TRPM3: variants seen among roughly 807,000 people sequenced by gnomAD.
TRPM3 encodes the protein long transient receptor potential channel 3.
A neutral mutation model predicts 181.2 loss-of-function variants in TRPM3; 77 were observed. The ratio of observed to expected loss-of-function variants is 0.42; its 90% confidence interval spans 0.35 to 0.51. TRPM3 has a LOEUF of 0.51. TRPM3 is among the 20% of genes least tolerant of loss of function. The pLI is 0.01. For missense variants in TRPM3, 1,759 were observed against 2,196.7 expected, an observed-to-expected ratio of 0.80 and a Z score of 3.98; for synonymous variants, 745 against 796.4, an observed-to-expected ratio of 0.94 and a Z score of 1.09.
chr9:70,768,129 C>G (rs2079504496), intron 7 of TRPM3, among the ~76,000 whole-genome samples: 1 of 152,168 alleles, frequency 6.6e-6, no homozygotes. Flanking sequence ...TGGTGATAAA[C>G]AGCCTCAATT....
In TRPM3 at chr9:70,529,263, T is replaced by C. The variant is rs1445712875; in HGVS notation, c.*6690A>G. ...GATTTATATATATTTATAGTGTCGA[T>C]AGATATGCATACCGTGGTCCATCCA... is the stretch of plus-strand genomic sequence containing the variant. On this transcript the variant is annotated 3_prime_UTR_variant, in exon 26 of 26. Transcript: ENST00000677713. 6 of 152,210 alleles carry C rather than the reference T, an allele frequency of 3.9e-5. No homozygotes were observed. Among genetic ancestry groups the C allele is most frequent in the South Asian group, 2.1e-4 (1 of 4,826 alleles). The allele number at this position is 152,210 out of a possible 1,614,324, so 9.4% of individuals were successfully genotyped here. A position where few individuals can be genotyped will look rare whatever the true frequency, so the allele number is the denominator to read the frequency against.
intron 8 of TRPM3, among the ~76,000 whole-genome samples, chr9:70,700,363 T>C (rs1273418237): frequency 6.6e-6 from 1 of 152,170 alleles, no homozygotes; most frequent in Non-Finnish European, 1.5e-5. Context: ...TCCATCCTTT[T>C]TGACTCAAAG....
At chr9:71,226,689 T>C (rs2080684519) in intron 1 of TRPM3, among the ~76,000 whole-genome samples, 1 of 152,090 alleles carries the variant, frequency 6.6e-6, no homozygotes, top group Non-Finnish European at 1.5e-5. Flanking sequence ...CACATGTATA[T>C]ACACATTATA....
chr9:70,892,867 G>A, intron 1 of TRPM3, among the ~76,000 whole-genome samples: 1 of 152,090 alleles, frequency 6.6e-6, no homozygotes, highest in East Asian at 1.9e-4. Context: ...TAATATTACA[G>A]GTTTCTTGTT....
intron 18 of TRPM3, among the ~76,000 whole-genome samples, chr9:70,611,772 TAGG>T (rs1393505863): frequency 6.6e-6 from 1 of 152,234 alleles, no homozygotes; most frequent in Admixed American, 6.5e-5. Context: ...TACGTGGGAC[TAGG>T]AGAAGGATTC....
At position 70,577,247 on chromosome 9, in the gene TRPM3, T is replaced by A. The variant is rs112617704; in HGVS notation, c.3223+13784A>T. ...GGTTGCTAAGTAAATAAATGCATGA[T>A]GTGGTCCAGGCACTGCAGTGAGGTA... On this transcript the variant is annotated intron_variant, in intron 22 of 25. Coordinates refer to ENST00000677713, the MANE Select transcript of TRPM3 (RefSeq NM_001366145.2). Among the ~76,000 whole-genome samples the A allele has an allele frequency of 1.1e-3, 166 of 152,310 alleles. 1 individual carries two copies. Among genetic ancestry groups the A allele is most frequent in the African/African-American group, 3.8e-3 (159 of 41,566 alleles).
rs1428381444 is a variant in TRPM3, at chr9:70,598,407, G to A, written c.3048+12C>T. ...GAAAACTTATAACATGGAATCAGAA[G>A]ACCCTGCTTACCATTTTTCCAATCA... On this transcript the variant is annotated intron_variant, in intron 21 of 25. Transcript: ENST00000677713. 6.2e-7 allele frequency: 1 copy of A among 1,610,398 alleles called. No homozygotes were observed. The highest frequency in any genetic ancestry group is 8.5e-7 in the Non-Finnish European group (1 of 1,176,972).
intron 1 of TRPM3, among the ~76,000 whole-genome samples, chr9:71,419,023 G>T (rs1192783978): frequency 6.6e-6 from 1 of 150,798 alleles, no homozygotes; most frequent in Non-Finnish European, 1.5e-5. Flanking sequence ...TGAACTTCAA[G>T]AGGAACTGTG....
rs564807535 is a variant in TRPM3, at chr9:71,216,239, G to T, written c.183+230414C>A. 2.3e-4 allele frequency among the ~76,000 whole-genome samples: 29 copies of T among 126,362 alleles called. No homozygotes were observed. The South Asian group carries it at 7.4e-3, about 32-fold the overall frequency. 82.9% of individuals were successfully genotyped at this position (126,362 alleles called of 152,430 possible). ...ATTGTAAATAGGCTTCTAACTAATG[G>T]GAATACTAATTATTCTTATTTGTGC... is the stretch of plus-strand genomic sequence containing the variant. On this transcript the variant is annotated intron_variant, in intron 1 of 24. Transcript: ENST00000357533.
At chr9:70,806,454 A>T (rs902521725) in intron 6 of TRPM3, among the ~76,000 whole-genome samples, 2 of 152,058 alleles carry the variant, frequency 1.3e-5, no homozygotes, top group Admixed American at 1.3e-4. Context: ...GCACTTTCGG[A>T]GGATGAGGCA....
intron 1 of TRPM3, among the ~76,000 whole-genome samples, chr9:71,090,827 A>G (rs1233001957): frequency 6.6e-6 from 1 of 152,176 alleles, no homozygotes; most frequent in Non-Finnish European, 1.5e-5. Flanking sequence ...AGATTAAATG[A>G]ATATTTAAAA....
At chr9:70,989,526 A>G (rs1450362170) in intron 1 of TRPM3, among the ~76,000 whole-genome samples, 3 of 152,018 alleles carry the variant, frequency 2.0e-5, no homozygotes, top group African/African-American at 4.8e-5. Flanking sequence ...TTTCTCCCTT[A>G]TTACTGTTGT....
chr9:70,614,357 C>T (rs2062450824), intron 18 of TRPM3, among the ~76,000 whole-genome samples: 1 of 150,584 alleles, frequency 6.6e-6, no homozygotes, highest in South Asian at 2.1e-4. Context: ...TGGTGTGCAC[C>T]TGCATTCCCA....
chr9:71,389,110 A>G (rs2092997418), intron 1 of TRPM3, among the ~76,000 whole-genome samples: 1 of 152,166 alleles, frequency 6.6e-6, no homozygotes, highest in Non-Finnish European at 1.5e-5. Context: ...ACTAATATCC[A>G]GAATCTACAA....
intron 1 of TRPM3, among the ~76,000 whole-genome samples, chr9:71,271,631 A>G (rs72733883): frequency 0.12 from 17,469 of 151,822 alleles, 1,180 homozygotes; most frequent in Non-Finnish European, 0.14. Context: ...AGAAGAAGAA[A>G]AAAAAAAAGC....
chr9:70,832,527 C>T (rs1172963242), intron 5 of TRPM3, among the ~76,000 whole-genome samples: 1 of 152,088 alleles, frequency 6.6e-6, no homozygotes, highest in Non-Finnish European at 1.5e-5. Flanking sequence ...GACTTTGAAA[C>T]AAAGAGGCCC....
At chr9:70,945,774 T>C (rs151293425) in intron 1 of TRPM3, among the ~76,000 whole-genome samples, 22 of 152,298 alleles carry the variant, frequency 1.4e-4, no homozygotes, top group Non-Finnish European at 2.6e-4. Context: ...CAAGTTAATT[T>C]TGAGTTAAGT....
rs547398200 is a variant in TRPM3 at position 70,632,883 on chromosome 9, G to A, written c.1632+2328C>T. On this transcript the variant is annotated intron_variant, in intron 12 of 25. Coordinates refer to ENST00000677713, the MANE Select transcript of TRPM3 (RefSeq NM_001366145.2). Reference sequence around the variant, plus strand: ...CATGCCTTCTAATCATACAAGTGACGTGAGCAAATGCAAAAGGCAGCTCAA... The same window carrying A: ...CATGCCTTCTAATCATACAAGTGACATGAGCAAATGCAAAAGGCAGCTCAA... Among the ~76,000 whole-genome samples, 22 of 152,310 alleles carry A rather than the reference G, an allele frequency of 1.4e-4. No individual in the cohort carries two copies. In the South Asian group the frequency reaches 1.4e-3, roughly 10 times the overall value.
intron 1 of TRPM3, among the ~76,000 whole-genome samples, chr9:71,155,637 G>T (rs1009853866): frequency 2.6e-5 from 4 of 151,910 alleles, no homozygotes; most frequent in African/African-American, 9.7e-5. Flanking sequence ...TTACAGGCCT[G>T]AGCCACTGTG....
Sources: allele counts gnomAD v4.1 joint callset (sites outside exome capture counted in the v4.1 genomes callset), GRCh38; gene constraint gnomAD v4.1.1; transcripts MANE v1.5; gene names NCBI Gene and HGNC (gene_info 2026-07-23, HGNC 2026-07-21).